The following NDUFA5 variants were observed in gnomAD, a reference collection of about 807,000 sequenced individuals.
NDUFA5 encodes the protein NADH:ubiquinone oxidoreductase subunit A5.
NDUFA5 carries 11 observed loss-of-function variants against 19.8 expected under a neutral mutation model. The ratio of observed to expected loss-of-function variants is 0.56; its 90% CI spans 0.35 to 0.92. The LOEUF (loss-of-function observed/expected upper bound fraction) is 0.92. Ranked by LOEUF, NDUFA5 falls within the 40% of genes least tolerant of loss-of-function variation. The pLI is 0.01. For synonymous variants in NDUFA5, 47 were observed against 46.8 expected (o/e 1.00, Z -0.01); for missense variants, 109 against 134.2 (o/e 0.81, Z 0.93).
At chr7:123,562,591 G>T (rs796889021), upstream of NDUFA5, among the ~76,000 whole-genome samples, 47 of 152,204 alleles carry the variant, frequency 3.1e-4, no homozygotes, top group African/African-American at 1.0e-3. Flanking sequence ...TAAACCTCAT[G>T]AACCAATTTC....
intron 2 of NDUFA5, among the ~76,000 whole-genome samples, chr7:123,553,034 C>T (rs535658336): frequency 1.4e-4 from 21 of 152,258 alleles, no homozygotes; most frequent in African/African-American, 4.6e-4. Flanking sequence ...TTTTTACCAC[C>T]ACGCAACACC....
chr7:123,596,246 T>A, the NDUFA5 span: 1 of 152,100 alleles, frequency 6.6e-6, no homozygotes, highest in Non-Finnish European at 1.5e-5. Flanking sequence ...TGGCTCCAAT[T>A]TGAAATATAA....
intron 2 of NDUFA5, among the ~76,000 whole-genome samples, chr7:123,553,467 G>T (rs750131357): frequency 5.9e-5 from 9 of 152,154 alleles, no homozygotes; most frequent in Non-Finnish European, 1.2e-4. Context: ...CCTCTCCCAC[G>T]ACACATGGGG....
chr7:123,592,962 G>A, the NDUFA5 span, among the ~76,000 whole-genome samples: 1 of 151,734 alleles, frequency 6.6e-6, no homozygotes, highest in Non-Finnish European at 1.5e-5. Flanking sequence ...TCCTGTATTG[G>A]GTGCATATAT....
At chr7:123,557,010 T>C (rs1798578325) in intron 2 of NDUFA5, 2 of 473,838 alleles carry the variant, frequency 4.2e-6, no homozygotes, top group Non-Finnish European at 8.3e-6. Flanking sequence ...GGAAAAGACC[T>C]AACAGAAGGA....
chr7:123,600,091 T>C, the NDUFA5 span, among the ~76,000 whole-genome samples: 4 of 152,184 alleles, frequency 2.6e-5, no homozygotes, highest in African/African-American at 4.8e-5. Flanking sequence ...ACTTGAGGAA[T>C]AGGCCTCATT....
At chr7:123,564,277 AC>A in the NDUFA5 span, among the ~76,000 whole-genome samples, 2 of 152,136 alleles carry the variant, frequency 1.3e-5, no homozygotes, top group Non-Finnish European at 2.9e-5. Context: ...CACCTACTTG[AC>A]TTCTATTAAT....
chr7:123,545,501 A>G lies in NDUFA5; in HGVS notation c.249+110T>C, dbSNP rs190523405. ...ATTTTCTATATGTGATTAGTCTTAC[A>G]TATTTGACGAGTTGATATAAACAAG... On this transcript the variant is annotated intron_variant, in intron 4 of 4. Coordinates refer to ENST00000355749, the MANE Select transcript of NDUFA5 (RefSeq NM_005000.5). 2.9e-5 allele frequency: 23 copies of G among 804,620 alleles called. No individual in the cohort carries two copies. The Admixed American group carries it at 4.6e-4, about 16-fold the overall frequency. 49.8% of individuals were successfully genotyped at this position (804,620 alleles called of 1,614,324 possible). A position where few individuals can be genotyped will look rare whatever the true frequency, so the allele number is the denominator to read the frequency against.
chr7:123,557,092 G>A (rs1337415812), intron 2 of NDUFA5: 1 of 585,812 alleles, frequency 1.7e-6, no homozygotes, highest in South Asian at 1.5e-5. Flanking sequence ...GGTAAGGCAA[G>A]GAGAAAAGAT....
At chr7:123,569,036 G>T in the NDUFA5 span, among the ~76,000 whole-genome samples, 3 of 152,236 alleles carry the variant, frequency 2.0e-5, no homozygotes, top group African/African-American at 7.2e-5. Context: ...TTTAAAAACT[G>T]AATAAACTAC....
chr7:123,600,371 C>T, the NDUFA5 span, among the ~76,000 whole-genome samples: 13 of 152,076 alleles, frequency 8.5e-5, no homozygotes, highest in Non-Finnish European at 1.9e-4. Flanking sequence ...ATAAAACAGG[C>T]ATACCATCAT....
the NDUFA5 span, among the ~76,000 whole-genome samples, chr7:123,580,496 C>G: frequency 6.6e-6 from 1 of 151,954 alleles, no homozygotes; most frequent in Non-Finnish European, 1.5e-5. Flanking sequence ...ACCCCCTAAG[C>G]CTTACTTCTT....
At chr7:123,588,391 G>A in the NDUFA5 span, among the ~76,000 whole-genome samples, 1 of 151,256 alleles carries the variant, frequency 6.6e-6, no homozygotes, top group African/African-American at 2.4e-5. Flanking sequence ...CATTTCATTT[G>A]AATCTTCTCT....
At chr7:123,548,524 G>A (rs953008181) in intron 3 of NDUFA5, among the ~76,000 whole-genome samples, 1 of 152,104 alleles carries the variant, frequency 6.6e-6, no homozygotes, top group African/African-American at 2.4e-5. Context: ...ACAACGTAAA[G>A]GCATTCCAGG....
chr7:123,585,862 C>T, the NDUFA5 span, among the ~76,000 whole-genome samples: 1 of 151,770 alleles, frequency 6.6e-6, no homozygotes, highest in East Asian at 1.9e-4. Flanking sequence ...ATTTCACCTA[C>T]TATAAGGTCC....
rs1254162966 is a variant in NDUFA5, at chr7:123,541,540, A to C, written c.*579T>G. 1.3e-5 allele frequency: 2 copies of C among 152,220 alleles called. No homozygotes were observed. The highest frequency in any genetic ancestry group is 4.8e-5 in the African/African-American group (2 of 41,464). The allele number at this position is 152,220 out of a possible 1,614,324, so 9.4% of individuals were successfully genotyped here. A position where few individuals can be genotyped will look rare whatever the true frequency, so the allele number is the denominator to read the frequency against. ...AATGGTATAATTCAATAATGACTAA[A>C]ATAAAATGACACTATGGATTTTGTA... On this transcript the variant is annotated 3_prime_UTR_variant, in exon 5 of 5. Coordinates refer to ENST00000355749, the MANE Select transcript of NDUFA5 (RefSeq NM_005000.5).
At chr7:123,554,514 C>T (rs1562898540) in intron 2 of NDUFA5, among the ~76,000 whole-genome samples, 1 of 135,784 alleles carries the variant, frequency 7.4e-6, no homozygotes, top group East Asian at 1.9e-4. Context: ...AAACTATGTG[C>T]CGTTCAAAGT....
chr7:123,599,058 A>T, the NDUFA5 span: 5 of 152,224 alleles, frequency 3.3e-5, no homozygotes, highest in Non-Finnish European at 7.3e-5. Context: ...TTTTATGCCT[A>T]ACCAAAATAA....
At chr7:123,576,286 T>C in the NDUFA5 span, among the ~76,000 whole-genome samples, 2 of 152,032 alleles carry the variant, frequency 1.3e-5, no homozygotes, top group Non-Finnish European at 2.9e-5. Context: ...CATCTCTTTA[T>C]TGAGTTTTTG....
Sources: allele counts gnomAD v4.1 joint callset (sites outside exome capture counted in the v4.1 genomes callset), GRCh38; gene constraint gnomAD v4.1.1; transcripts MANE v1.5; gene names NCBI Gene and HGNC (gene_info 2026-07-23, HGNC 2026-07-21).